The following ARHGAP15 variants were observed in gnomAD, a reference collection of about 807,000 sequenced individuals.
ARHGAP15 encodes Rho GTPase activating protein 15.
ARHGAP15 carries 51 observed loss-of-function variants against 63.7 expected under a neutral mutation model. That is an observed-to-expected ratio of 0.80 (90% CI 0.64 to 1.01). The LOEUF is 1.01. Ranked by LOEUF, ARHGAP15 falls within the 50% of genes least tolerant of loss-of-function variation. ARHGAP15 has a pLI of 0.00. For synonymous variants in ARHGAP15, 191 were observed against 193.8 expected (o/e 0.99, Z 0.12); for missense variants, 560 against 564.6 (o/e 0.99, Z 0.08).
At chr2:143,594,746 T>C (rs542264526) in intron 11 of ARHGAP15, among the ~76,000 whole-genome samples, 2 of 152,290 alleles carry the variant, frequency 1.3e-5, no homozygotes, top group African/African-American at 4.8e-5. Flanking sequence ...ACATAATATT[T>C]ACCTCTCAAA....
chr2:143,228,435 A>G, intron 4 of ARHGAP15, 146 bp from the exon 5 acceptor site: 3 of 441,688 alleles, frequency 6.8e-6, no homozygotes, highest in East Asian at 3.5e-5. Flanking sequence ...CATACCACTT[A>G]TAGATTTTAA....
At chr2:143,467,799 A>C (rs1157430971) in intron 8 of ARHGAP15, among the ~76,000 whole-genome samples, 1 of 152,132 alleles carries the variant, frequency 6.6e-6, no homozygotes, top group Non-Finnish European at 1.5e-5. Flanking sequence ...ATGCACATGG[A>C]GTTCAGAACC....
At chr2:143,498,801 G>A (rs1293730825) in intron 9 of ARHGAP15, among the ~76,000 whole-genome samples, 1 of 152,132 alleles carries the variant, frequency 6.6e-6, no homozygotes, top group African/African-American at 2.4e-5. Context: ...ACATTCCTGG[G>A]AGGGAAAGAG....
chr2:143,449,464 T>C (rs1013228536), intron 8 of ARHGAP15, among the ~76,000 whole-genome samples: 8 of 152,116 alleles, frequency 5.3e-5, no homozygotes, highest in Non-Finnish European at 1.0e-4. Flanking sequence ...TTGCTTAAAT[T>C]TCTTTATTTT....
At chr2:143,709,077 A>G (rs983734062) in intron 13 of ARHGAP15, among the ~76,000 whole-genome samples, 5 of 152,204 alleles carry the variant, frequency 3.3e-5, no homozygotes, top group African/African-American at 1.2e-4. Flanking sequence ...GACTATTAGT[A>G]TATTCTAGAT....
chr2:143,477,415 CAT>C (rs1365141161), intron 8 of ARHGAP15, among the ~76,000 whole-genome samples: 5 of 150,636 alleles, frequency 3.3e-5, no homozygotes, highest in African/African-American at 1.2e-4. Flanking sequence ...AATTATTAAT[CAT>C]ATTTTAATCA....
At chr2:143,691,609 T>TTCTGC (rs766328479) in intron 12 of ARHGAP15, among the ~76,000 whole-genome samples, 9 of 152,324 alleles carry the variant, frequency 5.9e-5, no homozygotes, top group Non-Finnish European at 1.3e-4. Context: ...CAAGTACTGT[T>TTCTGC]TCTGCTATTA....
At chr2:143,516,371 C>A (rs1437076539) in intron 9 of ARHGAP15, among the ~76,000 whole-genome samples, 1 of 152,144 alleles carries the variant, frequency 6.6e-6, no homozygotes, top group Non-Finnish European at 1.5e-5. Context: ...AACACAAACT[C>A]TCTCTCTCCC....
intron 8 of ARHGAP15, among the ~76,000 whole-genome samples, chr2:143,447,195 T>A (rs1008959892): frequency 2.6e-5 from 4 of 152,146 alleles, no homozygotes; most frequent in African/African-American, 9.7e-5. Flanking sequence ...TTTCCATTCT[T>A]ATAGAAAATA....
intron 6 of ARHGAP15, among the ~76,000 whole-genome samples, chr2:143,351,766 G>T (rs115759413): frequency 6.6e-6 from 1 of 152,048 alleles, no homozygotes; most frequent in South Asian, 2.1e-4. Context: ...TTGCTAATTG[G>T]CATTTAGAAA....
chr2:143,203,823 C>T (rs965661003), intron 3 of ARHGAP15, among the ~76,000 whole-genome samples: 1 of 151,988 alleles, frequency 6.6e-6, no homozygotes, highest in African/African-American at 2.4e-5. Flanking sequence ...TAGCTTTAGA[C>T]CATGTAACAC....
At chr2:143,571,313 T>A (rs1696445570) in intron 11 of ARHGAP15, among the ~76,000 whole-genome samples, 1 of 152,166 alleles carries the variant, frequency 6.6e-6, no homozygotes, top group African/African-American at 2.4e-5. Context: ...GTGAAAAAAT[T>A]GTCTTCCACG....
chr2:143,607,136 T>C (rs1376009401), intron 11 of ARHGAP15, among the ~76,000 whole-genome samples: 1 of 152,210 alleles, frequency 6.6e-6, no homozygotes, highest in Non-Finnish European at 1.5e-5. Context: ...TGTAAATAAT[T>C]ACTGCAGATA....
At chr2:143,737,613 G>T (rs74598335) in intron 13 of ARHGAP15, among the ~76,000 whole-genome samples, 10,906 of 152,164 alleles carry the variant, frequency 0.072, 541 homozygotes, top group East Asian at 0.26. Context: ...AAAAAGATTC[G>T]AACATGCTTA....
chr2:143,728,365 G>A (rs1372064078), intron 13 of ARHGAP15, among the ~76,000 whole-genome samples: 1 of 152,038 alleles, frequency 6.6e-6, no homozygotes, highest in Non-Finnish European at 1.5e-5. Context: ...TAAAGGCCCA[G>A]TCTCCAAATG....
chr2:143,511,401 G>A (rs1314486881), intron 9 of ARHGAP15, among the ~76,000 whole-genome samples: 3 of 152,164 alleles, frequency 2.0e-5, no homozygotes, highest in African/African-American at 4.8e-5. Flanking sequence ...CAAGGTCACA[G>A]GAGTTTGCAG....
At chr2:143,587,001 C>G (rs1476126677) in intron 11 of ARHGAP15, among the ~76,000 whole-genome samples, 2 of 152,038 alleles carry the variant, frequency 1.3e-5, no homozygotes. Context: ...CCTCTTCCTC[C>G]TTCATGCAAC....
intron 12 of ARHGAP15, among the ~76,000 whole-genome samples, chr2:143,662,132 A>C (rs1357840381): frequency 6.6e-6 from 1 of 152,184 alleles, no homozygotes; most frequent in East Asian, 1.9e-4. Flanking sequence ...CAGACAAACA[A>C]AAAGCAGTAA....
chr2:143,221,851 A>C (rs1273360846), intron 4 of ARHGAP15, among the ~76,000 whole-genome samples: 1 of 152,192 alleles, frequency 6.6e-6, no homozygotes, highest in Non-Finnish European at 1.5e-5. Flanking sequence ...AAGATTGTGC[A>C]GTGGTTACGT....
Sources: allele counts gnomAD v4.1 joint callset (sites outside exome capture counted in the v4.1 genomes callset), GRCh38; gene constraint gnomAD v4.1.1; transcripts MANE v1.5; gene names NCBI Gene and HGNC (gene_info 2026-07-23, HGNC 2026-07-21).